PRR16: variants seen among roughly 807,000 people sequenced by gnomAD.
PRR16 encodes the protein protein Largen.
A neutral mutation model predicts 18.2 loss-of-function variants in PRR16; 6 were observed. The observed-to-expected ratio is 0.33, with a 90% CI of 0.18 to 0.65. The LOEUF is 0.65. PRR16 is among the 30% of genes least tolerant of loss of function. PRR16 has a pLI of 0.74. For synonymous variants in PRR16, 151 were observed against 147.8 expected, an observed-to-expected ratio of 1.02 and a Z score of -0.16; for missense variants, 412 against 376.6, an observed-to-expected ratio of 1.09 and a Z score of -0.78.
intron 1 of PRR16, among the ~76,000 whole-genome samples, chr5:120,527,363 A>G (rs145128437): frequency 1.3e-5 from 2 of 152,152 alleles, no homozygotes; most frequent in African/African-American, 4.8e-5. Context: ...TTGATTGCTA[A>G]TGTTCATCTG....
the PRR16 span, among the ~76,000 whole-genome samples, chr5:120,707,598 T>C: frequency 6.6e-6 from 1 of 152,178 alleles, no homozygotes; most frequent in African/African-American, 2.4e-5. Context: ...GTTCCGTATT[T>C]TTAATAACGG....
At chr5:120,516,223 A>G (rs1057114203) in intron 1 of PRR16, among the ~76,000 whole-genome samples, 17 of 152,158 alleles carry the variant, frequency 1.1e-4, no homozygotes, top group Non-Finnish European at 2.4e-4. Flanking sequence ...CAGGAGTTCG[A>G]GACCAGCCTG....
At chr5:120,665,323 ATTTG>A (rs1266911886) in intron 1 of PRR16, among the ~76,000 whole-genome samples, 1 of 151,650 alleles carries the variant, frequency 6.6e-6, no homozygotes, top group African/African-American at 2.4e-5. Context: ...CTTCTTGTAA[ATTTG>A]TTTGAGTTCC....
intron 1 of PRR16, among the ~76,000 whole-genome samples, chr5:120,599,076 A>T (rs557894332): frequency 6.6e-6 from 1 of 151,878 alleles, no homozygotes; most frequent in South Asian, 2.1e-4. Context: ...TACTATGATT[A>T]TATTTTGTGC....
At chr5:120,511,068 A>G (rs756855524) in intron 1 of PRR16, among the ~76,000 whole-genome samples, 10 of 152,178 alleles carry the variant, frequency 6.6e-5, no homozygotes, top group South Asian at 6.2e-4. Flanking sequence ...AGCGCCCAGA[A>G]ACTAATGAAT....
chr5:120,619,473 T>C (rs1422464364), intron 1 of PRR16, among the ~76,000 whole-genome samples: 1 of 152,120 alleles, frequency 6.6e-6, no homozygotes, highest in Non-Finnish European at 1.5e-5. Context: ...GAATCAACCA[T>C]TTAATGTTAC....
At position 120,575,109 on chromosome 5, in the gene PRR16, C is replaced by A. The variant is rs1240198480; in HGVS notation, c.159+110464C>A. Among the ~76,000 whole-genome samples the A allele has an allele frequency of 2.0e-5, 3 of 151,820 alleles. 1 individual carries two copies. Among genetic ancestry groups the A allele is most frequent in the Non-Finnish European group, 4.4e-5 (3 of 68,008 alleles). On this transcript the variant is annotated intron_variant, in intron 1 of 1. Coordinates refer to ENST00000407149, the MANE Select transcript of PRR16 (RefSeq NM_001300783.2). ...CTCAGAATATACCTTATACATTAAT[C>A]TTTGTCAAAGGTATGTATGTGTAGG...
chr5:120,555,812 TTTTATG>T (rs1177120787), intron 1 of PRR16, among the ~76,000 whole-genome samples: 1 of 143,134 alleles, frequency 7.0e-6, no homozygotes, highest in Non-Finnish European at 1.5e-5. Flanking sequence ...TTTTTTTTTT[TTTTATG>T]TTTGAGTTTC....
At chr5:120,507,069 A>G (rs543784856) in intron 1 of PRR16, among the ~76,000 whole-genome samples, 2 of 152,256 alleles carry the variant, frequency 1.3e-5, no homozygotes, top group Non-Finnish European at 2.9e-5. Flanking sequence ...AAGAAATACA[A>G]TAGGAGAAAT....
chr5:120,585,520 G>T (rs1753411195), intron 1 of PRR16, among the ~76,000 whole-genome samples: 1 of 151,858 alleles, frequency 6.6e-6, no homozygotes, highest in Non-Finnish European at 1.5e-5. Context: ...TCACGAGGCT[G>T]AGACAGGAGA....
chr5:120,516,638 A>T (rs926523411), intron 1 of PRR16, among the ~76,000 whole-genome samples: 4 of 151,994 alleles, frequency 2.6e-5, no homozygotes, highest in African/African-American at 9.7e-5. Context: ...GCTTTTATAT[A>T]TTTTTTCTTT....
At chr5:120,622,186 C>T (rs945469473) in intron 1 of PRR16, among the ~76,000 whole-genome samples, 1 of 152,062 alleles carries the variant, frequency 6.6e-6, no homozygotes, top group African/African-American at 2.4e-5. Flanking sequence ...CAAATTTAAG[C>T]CCCTTAAGAG....
chr5:120,565,761 A>T (rs1352048041), intron 1 of PRR16, among the ~76,000 whole-genome samples: 1 of 152,246 alleles, frequency 6.6e-6, no homozygotes, highest in Non-Finnish European at 1.5e-5. Context: ...CTTAGTAATT[A>T]TCTTCTTCAA....
chr5:120,628,560 A>T (rs1323273536), intron 1 of PRR16, among the ~76,000 whole-genome samples: 1 of 152,068 alleles, frequency 6.6e-6, no homozygotes, highest in Non-Finnish European at 1.5e-5. Context: ...AATTGTAGGT[A>T]AGAGAGATTA....
chr5:120,488,221 T>C (rs1196787771), intron 1 of PRR16, among the ~76,000 whole-genome samples: 2 of 152,208 alleles, frequency 1.3e-5, no homozygotes, highest in African/African-American at 4.8e-5. Context: ...TCAGAAGGAA[T>C]GGTACCAGCT....
chr5:120,490,354 T>C (rs912549043), intron 1 of PRR16, among the ~76,000 whole-genome samples: 4 of 152,192 alleles, frequency 2.6e-5, no homozygotes, highest in Non-Finnish European at 5.9e-5. Context: ...TTCGTTTCTT[T>C]TTATTCTTTT....
At chr5:120,771,164 T>A in the PRR16 span, among the ~76,000 whole-genome samples, 1 of 152,076 alleles carries the variant, frequency 6.6e-6, no homozygotes, top group Admixed American at 6.6e-5. Flanking sequence ...TCCTTTCTGA[T>A]AATACATGAA....
the PRR16 span, among the ~76,000 whole-genome samples, chr5:120,697,775 T>C: frequency 1.3e-5 from 2 of 152,042 alleles, no homozygotes; most frequent in Non-Finnish European, 2.9e-5. Context: ...GGGGTGCTTT[T>C]TGAGCCAGGA....
At chr5:120,695,703 A>G in the PRR16 span, among the ~76,000 whole-genome samples, 1 of 152,082 alleles carries the variant, frequency 6.6e-6, no homozygotes, top group East Asian at 1.9e-4. Flanking sequence ...AAACACTTCA[A>G]AGTCTATCTT....
Sources: gnomAD v4.1 joint callset for allele counts (sites outside exome capture counted in the v4.1 genomes callset) on GRCh38, gnomAD v4.1.1 for gene constraint, MANE v1.5 for transcripts, NCBI Gene and HGNC (gene_info 2026-07-23, HGNC 2026-07-21) for gene names.